ESR2: variants seen among roughly 807,000 people sequenced by gnomAD.
ESR2 encodes the protein estrogen receptor 2, also known as estrogen receptor beta.
A neutral mutation model predicts 49.6 loss-of-function variants in ESR2; 36 were observed. The ratio of observed to expected loss-of-function variants is 0.73; its 90% confidence interval spans 0.56 to 0.96. ESR2 has a LOEUF of 0.96. Among genes scored for constraint, ESR2 ranks in the 40% least tolerant of loss-of-function variants. The pLI is 0.00. For missense variants in ESR2, 714 were observed against 693.0 expected, an observed-to-expected ratio of 1.03 and a Z score of -0.34; for synonymous variants, 320 against 266.1, an observed-to-expected ratio of 1.20 and a Z score of -1.97.
At chr14:64,233,511 T>C (rs2098729353) in intron 8 of ESR2, 188 bp from the exon 9 acceptor site, 2 of 581,068 alleles carry the variant, frequency 3.4e-6, no homozygotes, top group Admixed American at 6.0e-5. Context: ...GCAAGGACGA[T>C]GTCTTGTCAG....
chr14:64,256,180 C>T (rs1467466130), intron 6 of ESR2, among the ~76,000 whole-genome samples: 3 of 152,196 alleles, frequency 2.0e-5, no homozygotes, highest in Non-Finnish European at 2.9e-5. Flanking sequence ...TCGAACTGCT[C>T]GAATTTACAC....
chr14:64,236,503 C>T (rs1389792155), intron 7 of ESR2, among the ~76,000 whole-genome samples: 2 of 152,086 alleles, frequency 1.3e-5, no homozygotes, highest in African/African-American at 2.4e-5. Flanking sequence ...AATGACTTCC[C>T]AGCTCATAGG....
downstream of ESR2, chr14:64,227,755 G>A: frequency 6.5e-7 from 1 of 1,542,470 alleles, no homozygotes; most frequent in Non-Finnish European, 8.7e-7. Context: ...CCATCTCCAG[G>A]GAGGCCACTG....
intron 2 of ESR2, 93 bp downstream of exon 2, chr14:64,282,531 A>G: frequency 7.6e-7 from 1 of 1,308,710 alleles, no homozygotes; most frequent in East Asian, 2.3e-5. Flanking sequence ...TACAATAAAG[A>G]CCTTGTCTAA....
downstream of ESR2, chr14:64,227,766 C>T (rs754987526): frequency 4.4e-5 from 68 of 1,537,042 alleles, no homozygotes; most frequent in Non-Finnish European, 5.3e-5. Context: ...GAGGCCACTG[C>T]AGCTTCTTTC....
chr14:64,319,336 G>A (rs61516384), intron 1 of ESR2, among the ~76,000 whole-genome samples: 311 of 151,984 alleles, frequency 2.0e-3, no homozygotes, highest in African/African-American at 7.2e-3. Flanking sequence ...AGAAGACAAC[G>A]TAGGAGAAAA....
At position 64,233,129 on chromosome 14, in the gene ESR2, G is replaced by A. The variant is rs374618716; in HGVS notation, c.*8C>T. On this transcript the variant is annotated 3_prime_UTR_variant, in exon 9 of 9. Coordinates refer to ENST00000341099, the MANE Select transcript of ESR2 (RefSeq NM_001437.3). ...CCTCTGTGGGCCAGTTCACCTCAGG[G>A]CCAGGCGTCACTGAGACTGTGGGTT... 4.3e-6 allele frequency: 7 copies of A among 1,611,744 alleles called. No homozygotes were observed. Among genetic ancestry groups the A allele is most frequent in the Non-Finnish European group, 5.9e-6 (7 of 1,178,438 alleles).
chr14:64,238,777 C>A lies in ESR2; in HGVS notation c.1226-3627G>T, dbSNP rs371130460. Among the ~76,000 whole-genome samples the A allele has an allele frequency of 2.6e-3, 390 of 150,982 alleles. 1 individual carries two copies. Among genetic ancestry groups the A allele is most frequent in the South Asian group, 5.9e-3 (28 of 4,758 alleles). Reference sequence around the variant, plus strand: ...GTTTAAAAAAAAAAAACAAAAAAAACCAAGATCTTGGCACCATGCCTCACA... The same window carrying A: ...GTTTAAAAAAAAAAAACAAAAAAAAACAAGATCTTGGCACCATGCCTCACA... On this transcript the variant is annotated intron_variant, in intron 7 of 8. Coordinates refer to ENST00000341099, the MANE Select transcript of ESR2 (RefSeq NM_001437.3).
chr14:64,251,175 C>T (rs1232624717), intron 6 of ESR2, among the ~76,000 whole-genome samples: 1 of 152,048 alleles, frequency 6.6e-6, no homozygotes, highest in Non-Finnish European at 1.5e-5. Flanking sequence ...ACAACACAAG[C>T]CCTGCACAGA....
rs56160081 is a variant in ESR2 at position 64,245,509 on chromosome 14, CAAAAAAAAAAAAAA to C, written c.1225+4023_1225+4036del. On this transcript the variant is annotated intron_variant, in intron 7 of 8. Coordinates refer to ENST00000341099, the MANE Select transcript of ESR2 (RefSeq NM_001437.3). The stretch of plus-strand genomic sequence containing the variant: ...CCTGGGCGACAGGGCAAGACTCTGT[CAAAAAAAAAAAAAA>C]AAAAAAAAAAAAAGATTTCTTAAAC... Among the ~76,000 whole-genome samples, 22 of 65,462 alleles carry C rather than the reference CAAAAAAAAAAAAAA, an allele frequency of 3.4e-4. No homozygotes were observed. In the South Asian group the frequency reaches 0.014, roughly 41 times the overall value. 42.9% of individuals were successfully genotyped at this position (65,462 alleles called of 152,430 possible).
At chr14:64,313,230 T>C (rs1025444038) in intron 1 of ESR2, among the ~76,000 whole-genome samples, 2 of 151,742 alleles carry the variant, frequency 1.3e-5, no homozygotes, top group African/African-American at 2.4e-5. Context: ...AAGCAAAAAC[T>C]GATAGAAATG....
intron 4 of ESR2, among the ~76,000 whole-genome samples, chr14:64,265,777 A>G (rs1362956823): frequency 1.3e-5 from 2 of 152,220 alleles, no homozygotes; most frequent in South Asian, 4.1e-4. Context: ...AAAAGACAAG[A>G]TCAGAAATTC....
At chr14:64,294,961 C>T (rs529775841), upstream of ESR2, among the ~76,000 whole-genome samples, 1 of 152,198 alleles carries the variant, frequency 6.6e-6, no homozygotes, top group Admixed American at 6.5e-5. Flanking sequence ...CCTGTGCCTC[C>T]GGCCACGGCG....
At chr14:64,239,141 G>T (rs567762545) in intron 7 of ESR2, among the ~76,000 whole-genome samples, 1 of 152,148 alleles carries the variant, frequency 6.6e-6, no homozygotes, top group Non-Finnish European at 1.5e-5. Flanking sequence ...CATGACCCAC[G>T]CCCTCTGTCA....
intron 7 of ESR2, among the ~76,000 whole-genome samples, chr14:64,240,416 C>T (rs2075695979): frequency 6.6e-6 from 1 of 152,238 alleles, no homozygotes; most frequent in South Asian, 2.1e-4. Flanking sequence ...GACCCTTATC[C>T]TCCAGGGCCT....
chr14:64,280,211 C>G, intron 2 of ESR2, 58 bp from the exon 3 acceptor site: 1 of 1,248,650 alleles, frequency 8.0e-7, no homozygotes, highest in South Asian at 1.3e-5. Context: ...GAAGGGCTTT[C>G]TAGGAAAAAA....
intron 1 of ESR2, among the ~76,000 whole-genome samples, chr14:64,308,980 AAAAAGAAAAGAG>A (rs1337015653): frequency 6.6e-6 from 1 of 152,196 alleles, no homozygotes; most frequent in East Asian, 1.9e-4. Flanking sequence ...AAAGAAAATA[AAAAAGAAAAGAG>A]AAAAGAAAGA....
At chr14:64,255,382 C>G (rs1451662241) in intron 6 of ESR2, among the ~76,000 whole-genome samples, 1 of 152,020 alleles carries the variant, frequency 6.6e-6, no homozygotes, top group Non-Finnish European at 1.5e-5. Flanking sequence ...GGCTTTTCAG[C>G]CTGCCTTGCG....
Position 64,234,995 on chromosome 14 carries a change from G to T in ESR2, c.1381C>A (p.Leu461Ile), listed in dbSNP as rs747701419. 6.2e-7 allele frequency: 1 copy of T among 1,614,214 alleles called. No homozygotes were observed. Among genetic ancestry groups the T allele is most frequent in the Admixed American group, 1.7e-5 (1 of 60,028 alleles). ...CTCGCATGCCTGACGTGGGACAGGA[G>T]CATCAGGAGGTTAGCCAGGCGCATG... is the stretch of plus-strand genomic sequence containing the variant. Reference protein sequence around the residue: ...QSMRLANLLMLLSHVRHASNK... With the variant: ...QSMRLANLLMILSHVRHASNK... The change falls in exon 8 of 9, where the codon CTC (leucine) becomes ATC (isoleucine). Residue 461 changes from leucine (L) to isoleucine (I), a missense_variant. Transcript: ENST00000341099.
Sources: allele counts gnomAD v4.1 joint callset (sites outside exome capture counted in the v4.1 genomes callset), GRCh38; gene constraint gnomAD v4.1.1; transcripts MANE v1.5; gene names NCBI Gene and HGNC (gene_info 2026-07-23, HGNC 2026-07-21).